PDE7A: variants seen among roughly 807,000 people sequenced by gnomAD.
PDE7A encodes phosphodiesterase 7A.
PDE7A carries 39 observed loss-of-function variants against 64.3 expected under a neutral mutation model. The observed-to-expected ratio is 0.61, with a 90% CI of 0.47 to 0.79. The LOEUF (loss-of-function observed/expected upper bound fraction) is 0.79. Ranked by LOEUF, PDE7A falls within the 30% of genes least tolerant of loss-of-function variation. PDE7A has a pLI of 0.00. For missense variants in PDE7A, 470 were observed against 582.8 expected (o/e 0.81, Z 1.99); for synonymous variants, 203 against 206.8 (o/e 0.98, Z 0.16).
intron 1 of PDE7A, among the ~76,000 whole-genome samples, chr8:65,787,780 A>AG (rs143470274): frequency 0.041 from 6,096 of 149,410 alleles, 177 homozygotes; most frequent in African/African-American, 0.089. Flanking sequence ...TCATCTCTAC[A>AG]GGGGGGGGAA....
chr8:65,787,145 A>G lies in PDE7A; in HGVS notation c.139-4302T>C, dbSNP rs183961973. On this transcript the variant is annotated intron_variant, in intron 1 of 12. Transcript: ENST00000401827. ...TTCCAAGTTTTCCACTAAATGATTT[A>G]TTAGCAAAAGCAAGTGCCATTTCCA... 2.0e-5 allele frequency among the ~76,000 whole-genome samples: 3 copies of G among 152,354 alleles called. No homozygotes were observed. The East Asian group carries it at 5.8e-4, about 29-fold the overall frequency.
At chr8:65,815,548 T>C (rs1261967437) in intron 1 of PDE7A, among the ~76,000 whole-genome samples, 1 of 152,102 alleles carries the variant, frequency 6.6e-6, no homozygotes, top group African/African-American at 2.4e-5. Flanking sequence ...GTTTTAAAAC[T>C]TTTCCTAAGA....
Position 65,718,945 on chromosome 8 carries a change from G to C in PDE7A, c.*345C>G. 3.3e-6 allele frequency: 1 copy of C among 302,968 alleles called. No individual in the cohort carries two copies. 18.8% of individuals were successfully genotyped at this position (302,968 alleles called of 1,614,324 possible). A position where few individuals can be genotyped will look rare whatever the true frequency, so the allele number is the denominator to read the frequency against. On this transcript the variant is annotated 3_prime_UTR_variant, in exon 13 of 13. Transcript: ENST00000401827. ...CAGACTGGTTAAATTCCAAGAGATT[G>C]TTGCTGAACAATTCAAGTTTCACGT...
intron 1 of PDE7A, among the ~76,000 whole-genome samples, chr8:65,832,948 T>C (rs1487876449): frequency 6.6e-6 from 1 of 152,224 alleles, no homozygotes; most frequent in Non-Finnish European, 1.5e-5. Context: ...ACACAGGCTT[T>C]AGAGTCAGCA....
intron 1 of PDE7A, among the ~76,000 whole-genome samples, chr8:65,808,920 T>C (rs984983137): frequency 1.3e-5 from 2 of 152,206 alleles, no homozygotes; most frequent in Admixed American, 1.3e-4. Context: ...TAACTTACAA[T>C]ATGCATTATA....
At chr8:65,821,036 G>T (rs1335406760) in intron 1 of PDE7A, among the ~76,000 whole-genome samples, 1 of 152,058 alleles carries the variant, frequency 6.6e-6, no homozygotes, top group South Asian at 2.1e-4. Flanking sequence ...AAGGTGCTTG[G>T]TCTGCAAATC....
chr8:65,779,966 C>A (rs577306780), intron 2 of PDE7A, among the ~76,000 whole-genome samples, 163 bp from the exon 3 acceptor site: 6 of 152,198 alleles, frequency 3.9e-5, no homozygotes, highest in South Asian at 2.1e-4. Context: ...AAAGGGTTCA[C>A]AAAATCTCAG....
intron 1 of PDE7A, among the ~76,000 whole-genome samples, chr8:65,808,543 C>G (rs1043708103): frequency 2.6e-5 from 4 of 152,010 alleles, no homozygotes; most frequent in African/African-American, 9.7e-5. Context: ...TGAACAGATA[C>G]TAGGACTGTC....
chr8:65,825,634 A>C (rs905527625), intron 1 of PDE7A, among the ~76,000 whole-genome samples: 2 of 152,224 alleles, frequency 1.3e-5, no homozygotes, highest in Admixed American at 1.3e-4. Flanking sequence ...ATGAAGGTGG[A>C]ATCTTGGAGG....
At position 65,730,171 on chromosome 8, in the gene PDE7A, CT is replaced by C. The variant is rs1179431555; in HGVS notation, c.697-2871del. On this transcript the variant is annotated intron_variant, in intron 7 of 12. Transcript: ENST00000401827. ...TGTGAGGGATCCAGGTTGCGCACTT[CT>C]TTTTTTTTTTTTTTTTTTTTTTTTT... Among the ~76,000 whole-genome samples, 180 of 86,390 alleles carry C rather than the reference CT, an allele frequency of 2.1e-3. 10 individuals carry two copies. Among genetic ancestry groups the C allele is most frequent in the East Asian group, 4.7e-3 (9 of 1,928 alleles). 56.7% of individuals were successfully genotyped at this position (86,390 alleles called of 152,430 possible).
At chr8:65,838,780 C>T (rs1315356611) in intron 1 of PDE7A, 1 of 152,204 alleles carries the variant, frequency 6.6e-6, no homozygotes, top group Non-Finnish European at 1.5e-5. Context: ...CTGCTGTCAA[C>T]CTTTGCTGCT....
chr8:65,796,101 G>T (rs1049493708), intron 1 of PDE7A, among the ~76,000 whole-genome samples: 2 of 148,262 alleles, frequency 1.3e-5, no homozygotes, highest in African/African-American at 5.0e-5. Context: ...AGAAACAAAA[G>T]CCAAAAAATA....
intron 1 of PDE7A, among the ~76,000 whole-genome samples, chr8:65,813,937 A>G (rs1033557139): frequency 3.3e-5 from 5 of 152,250 alleles, no homozygotes; most frequent in African/African-American, 1.2e-4. Flanking sequence ...AAACACCTGC[A>G]TATTTTGCAA....
rs768600346 is a variant in PDE7A, at chr8:65,727,215, T to C, written c.783A>G (p.Gln261=). ...THDLDHPGVN[Q]PFLIKTNHYL... The stretch of plus-strand genomic sequence containing the variant: ...AATGGTTAGTTTTAATAAGGAAAGG[T>C]TGATTAACACCTGGATGATCCAGAT... The change falls in exon 8 of 13, where the codon CAA becomes CAG. Residue 261 remains glutamine, a synonymous_variant. Coordinates refer to ENST00000401827, the MANE Select transcript of PDE7A (RefSeq NM_001242318.3). The C allele has an allele frequency of 1.9e-5, 30 of 1,613,602 alleles. 2 individuals carry two copies. The South Asian group carries it at 3.2e-4, about 17-fold the overall frequency.
At chr8:65,820,316 A>G (rs1810511836) in intron 1 of PDE7A, among the ~76,000 whole-genome samples, 2 of 152,188 alleles carry the variant, frequency 1.3e-5, no homozygotes, top group African/African-American at 4.8e-5. Flanking sequence ...GGACTGCTTG[A>G]GTCCAGGATG....
intron 1 of PDE7A, among the ~76,000 whole-genome samples, chr8:65,814,064 AT>A (rs142444102): frequency 0.036 from 5,470 of 150,904 alleles, 143 homozygotes; most frequent in African/African-American, 0.075. Context: ...TCATTACTGA[AT>A]TTTTTTTTTC....
At chr8:65,754,025 A>G (rs1026214224) in intron 3 of PDE7A, among the ~76,000 whole-genome samples, 5 of 152,098 alleles carry the variant, frequency 3.3e-5, no homozygotes, top group Admixed American at 1.3e-4. Context: ...GGAGTTAAGT[A>G]TTAACTCACA....
intron 1 of PDE7A, among the ~76,000 whole-genome samples, chr8:65,798,793 C>T (rs981064499): frequency 6.6e-6 from 1 of 152,124 alleles, no homozygotes; most frequent in Non-Finnish European, 1.5e-5. Flanking sequence ...ATAACTTGAA[C>T]ACAAATATTC....
intron 7 of PDE7A, among the ~76,000 whole-genome samples, chr8:65,733,357 C>T (rs80322153): frequency 0.04 from 6,080 of 152,228 alleles, 176 homozygotes; most frequent in Non-Finnish European, 0.062. Context: ...GAACTTATTA[C>T]CATCTTTCCA....
Sources: allele counts gnomAD v4.1 joint callset (sites outside exome capture counted in the v4.1 genomes callset), GRCh38; gene constraint gnomAD v4.1.1; transcripts MANE v1.5; gene names NCBI Gene and HGNC (gene_info 2026-07-23, HGNC 2026-07-21).